The following SIK3 variants were observed in gnomAD, a reference collection of about 807,000 sequenced individuals.
SIK3 encodes the protein SIK family kinase 3.
SIK3 carries 28 observed loss-of-function variants against 144.2 expected under a neutral mutation model. The ratio of observed to expected loss-of-function variants is 0.19; its 90% CI spans 0.14 to 0.27. The LOEUF is 0.27. Ranked by LOEUF, SIK3 falls within the 10% of genes least tolerant of loss-of-function variation. The pLI, the probability that SIK3 is intolerant of heterozygous loss-of-function variation, is 1.00. For synonymous variants in SIK3, 686 were observed against 676.3 expected (o/e 1.01, Z -0.22); for missense variants, 1,319 against 1,776.0 (o/e 0.74, Z 4.62).
At chr11:116,878,568 C>T (rs554172568) in intron 6 of SIK3, among the ~76,000 whole-genome samples, 10 of 152,092 alleles carry the variant, frequency 6.6e-5, no homozygotes, top group Non-Finnish European at 8.8e-5. Flanking sequence ...TTAATAGAGG[C>T]GAGGTTTCAC....
At chr11:116,887,445 C>T (rs1202236572) in intron 6 of SIK3, among the ~76,000 whole-genome samples, 2 of 151,738 alleles carry the variant, frequency 1.3e-5, no homozygotes, top group Admixed American at 6.6e-5. Context: ...GACGAGACCC[C>T]GTCTCCACTA....
Position 116,875,462 on chromosome 11 carries a change from G to A in SIK3, c.1240-11C>T, listed in dbSNP as rs1468763242. ...ACCTGCCTGCTCCGCCTGGAAAGCA[G>A]TACATACATATACACGCATACCTTT... is the stretch of plus-strand genomic sequence containing the variant. On this transcript the variant is annotated splice_polypyrimidine_tract_variant and intron_variant, in intron 9 of 24. Transcript: ENST00000445177. 3.7e-6 allele frequency: 6 copies of A among 1,613,406 alleles called. No homozygotes were observed. The highest frequency in any genetic ancestry group is 5.1e-6 in the Non-Finnish European group (6 of 1,179,598).
intron 1 of SIK3, among the ~76,000 whole-genome samples, chr11:116,973,976 T>C (rs1267145823): frequency 6.6e-6 from 1 of 152,172 alleles, no homozygotes; most frequent in African/African-American, 2.4e-5. Context: ...AAAAAGGACA[T>C]TTTGGTAAAA....
intron 3 of SIK3, among the ~76,000 whole-genome samples, chr11:116,928,533 A>T (rs1437456034): frequency 2.0e-5 from 3 of 152,120 alleles, no homozygotes; most frequent in Non-Finnish European, 4.4e-5. Context: ...GTGACATCTC[A>T]CTCCCTCACA....
At chr11:116,940,443 C>T (rs1460239974) in intron 3 of SIK3, among the ~76,000 whole-genome samples, 2 of 151,998 alleles carry the variant, frequency 1.3e-5, no homozygotes, top group Non-Finnish European at 2.9e-5. Flanking sequence ...GTTGGCCAGG[C>T]TGGTCTTGAA....
chr11:117,061,483 T>C (rs1953792817), intron 1 of SIK3, among the ~76,000 whole-genome samples: 1 of 152,182 alleles, frequency 6.6e-6, no homozygotes, highest in Non-Finnish European at 1.5e-5. Context: ...GTTTCTTCAC[T>C]GGCAAATTGG....
chr11:117,080,909 T>C (rs770952461), intron 1 of SIK3, among the ~76,000 whole-genome samples: 1 of 152,062 alleles, frequency 6.6e-6, no homozygotes, highest in Admixed American at 6.6e-5. Flanking sequence ...GATCATGCCA[T>C]TGCACTCCAG....
intron 4 of SIK3, among the ~76,000 whole-genome samples, chr11:116,915,791 A>G (rs1489432674): frequency 2.6e-5 from 4 of 152,228 alleles, no homozygotes; most frequent in African/African-American, 9.7e-5. Context: ...ATCCTCATCA[A>G]TTTGAATTTC....
chr11:116,899,287 T>C (rs1367105898), intron 4 of SIK3, among the ~76,000 whole-genome samples: 6 of 151,896 alleles, frequency 4.0e-5, no homozygotes, highest in African/African-American at 1.2e-4. Context: ...GTTGTAGATA[T>C]GCAGCGTTAT....
rs1435266057 is a variant in SIK3, at chr11:116,844,671, CAT to C, written c.*970_*971del. On this transcript the variant is annotated 3_prime_UTR_variant, in exon 25 of 25. Coordinates refer to ENST00000445177, the MANE Select transcript of SIK3 (RefSeq NM_001366686.3). ...ATTATATATATAATATATATATACA[CAT>C]ATATTATATTATATATATACACACA... 2 of 101,110 alleles carry C rather than the reference CAT, an allele frequency of 2.0e-5. No individual in the cohort carries two copies. Among genetic ancestry groups the C allele is most frequent in the East Asian group, 2.3e-4 (1 of 4,376 alleles). 6.3% of individuals were successfully genotyped at this position (101,110 alleles called of 1,614,324 possible).
chr11:116,950,388 G>C (rs1376225923), intron 3 of SIK3: 1 of 268,796 alleles, frequency 3.7e-6, no homozygotes, highest in African/African-American at 2.3e-5. Flanking sequence ...TATCAAAATG[G>C]AGTCACTCAT....
At chr11:117,069,118 G>A (rs1418266206) in intron 1 of SIK3, among the ~76,000 whole-genome samples, 2 of 140,288 alleles carry the variant, frequency 1.4e-5, no homozygotes, top group Non-Finnish European at 3.0e-5. Flanking sequence ...TAAAATTAGA[G>A]AGAAAGAAGA....
At chr11:116,986,381 CTTG>C (rs755271814) in intron 1 of SIK3, among the ~76,000 whole-genome samples, 13 of 152,194 alleles carry the variant, frequency 8.5e-5, no homozygotes, top group Non-Finnish European at 1.8e-4. Context: ...ATTAGCTGTT[CTTG>C]TTGTTGTTAT....
At chr11:116,845,764 G>A (rs1423156613) in intron 24 of SIK3, 135 bp from the exon 25 acceptor site, 2 of 152,234 alleles carry the variant, frequency 1.3e-5, no homozygotes, top group African/African-American at 4.8e-5. Flanking sequence ...CTGAGGCTCT[G>A]ATGTGGATTT....
chr11:116,977,349 G>A (rs919933987), intron 1 of SIK3, among the ~76,000 whole-genome samples: 1 of 151,328 alleles, frequency 6.6e-6, no homozygotes, highest in African/African-American at 2.4e-5. Flanking sequence ...ACAAAGTGCT[G>A]GGATTACAAC....
intron 1 of SIK3, among the ~76,000 whole-genome samples, chr11:116,965,702 T>C (rs1206675275): frequency 9.2e-6 from 1 of 109,268 alleles, no homozygotes; most frequent in Non-Finnish European, 1.9e-5. Flanking sequence ...AAGACCAGCC[T>C]CTCTAACATG....
At chr11:116,951,271 C>T (rs1175390508) in intron 3 of SIK3, among the ~76,000 whole-genome samples, 2 of 152,226 alleles carry the variant, frequency 1.3e-5, no homozygotes, top group East Asian at 3.9e-4. Flanking sequence ...CTTTTTTACA[C>T]AGACATTTTT....
intron 1 of SIK3, among the ~76,000 whole-genome samples, chr11:117,017,562 T>A (rs1469673166): frequency 6.6e-6 from 1 of 152,168 alleles, no homozygotes; most frequent in Non-Finnish European, 1.5e-5. Context: ...CAAATTGGTG[T>A]AACACACATT....
intron 3 of SIK3, among the ~76,000 whole-genome samples, chr11:116,946,593 A>G (rs764489671): frequency 6.6e-5 from 10 of 152,318 alleles, no homozygotes; most frequent in Admixed American, 1.3e-4. Flanking sequence ...AAGGGTGCTC[A>G]CTATATAAAC....
Sources: allele counts gnomAD v4.1 joint callset (sites outside exome capture counted in the v4.1 genomes callset), GRCh38; gene constraint gnomAD v4.1.1; transcripts MANE v1.5; gene names NCBI Gene and HGNC (gene_info 2026-07-23, HGNC 2026-07-21).